The following RANBP2 variants were observed in gnomAD, a reference collection of about 807,000 sequenced individuals.
The protein encoded by RANBP2 is E3 SUMO-protein ligase RanBP2.
A neutral mutation model predicts 303.6 loss-of-function variants in RANBP2; 57 were observed. That is an observed-to-expected ratio of 0.19 (90% confidence interval 0.15 to 0.23). The LOEUF (loss-of-function observed/expected upper bound fraction) is 0.23. Among genes scored for constraint, RANBP2 ranks in the 10% least tolerant of loss-of-function variants. RANBP2 has a pLI of 1.00. For synonymous variants in RANBP2, 1,167 were observed against 1,301.5 expected (o/e 0.90, Z 2.23); for missense variants, 3,138 against 3,780.8 (o/e 0.83, Z 4.46).
chr2:109,664,584 A>G, the RANBP2 span, among the ~76,000 whole-genome samples: 1 of 152,040 alleles, frequency 6.6e-6, no homozygotes, highest in South Asian at 2.1e-4. Context: ...ACCCTGGGTG[A>G]AAGAATTTTA....
chr2:109,301,536 G>C, the RANBP2 span, among the ~76,000 whole-genome samples: 1 of 152,098 alleles, frequency 6.6e-6, no homozygotes, highest in South Asian at 2.1e-4. Flanking sequence ...AGGACACCAG[G>C]GTGCCCAGAG....
At chr2:109,357,988 A>G in the RANBP2 span, among the ~76,000 whole-genome samples, 71,781 of 151,974 alleles carry the variant, frequency 0.47, 17,257 homozygotes, top group South Asian at 0.54. Context: ...TCATGTATCT[A>G]CCATTATAGG....
At chr2:109,129,241 C>T in the RANBP2 span, 4 of 568,944 alleles carry the variant, frequency 7.0e-6, no homozygotes, top group African/African-American at 6.0e-5. Context: ...GCAGCACCCC[C>T]GGTCCCCCGC....
chr2:109,277,004 A>C, the RANBP2 span, among the ~76,000 whole-genome samples: 1 of 152,146 alleles, frequency 6.6e-6, no homozygotes, highest in African/African-American at 2.4e-5. Context: ...AAATGGACAG[A>C]ATCAACAGAC....
chr2:109,327,486 ATTTGTCAAGTAC>A, the RANBP2 span, among the ~76,000 whole-genome samples: 9 of 148,606 alleles, frequency 6.1e-5, no homozygotes, highest in Non-Finnish European at 1.2e-4. Flanking sequence ...TTTTAAATCA[ATTTGTCAAGTAC>A]TTTGTCAAGT....
At chr2:109,105,707 A>C in the RANBP2 span, among the ~76,000 whole-genome samples, 1 of 151,678 alleles carries the variant, frequency 6.6e-6, no homozygotes, top group Non-Finnish European at 1.5e-5. Flanking sequence ...GGCATGCGCC[A>C]CCACGCCCAG....
At chr2:109,326,211 G>C in the RANBP2 span, among the ~76,000 whole-genome samples, 1 of 152,156 alleles carries the variant, frequency 6.6e-6, no homozygotes, top group Non-Finnish European at 1.5e-5. Flanking sequence ...TCTGTAACTT[G>C]CTTCTTCCAC....
the RANBP2 span, among the ~76,000 whole-genome samples, chr2:109,342,859 A>G: frequency 6.6e-6 from 1 of 152,248 alleles, no homozygotes; most frequent in African/African-American, 2.4e-5. Flanking sequence ...AATTGACATT[A>G]TAAGTTTTAA....
the RANBP2 span, among the ~76,000 whole-genome samples, chr2:109,176,392 A>G: frequency 1.7e-4 from 26 of 152,312 alleles, no homozygotes; most frequent in Admixed American, 8.5e-4. Flanking sequence ...GTGCAATGGA[A>G]TGCTGTGTTT....
chr2:109,189,982 A>G, the RANBP2 span, among the ~76,000 whole-genome samples: 1 of 152,228 alleles, frequency 6.6e-6, no homozygotes, highest in Non-Finnish European at 1.5e-5. Context: ...TTTCTCTAAC[A>G]GATCTGCTCG....
chr2:108,911,130 C>T, the RANBP2 span: 41 of 1,608,090 alleles, frequency 2.5e-5, no homozygotes, highest in Non-Finnish European at 3.1e-5. Context: ...CTGGTCTTCC[C>T]TCCAGGACTC....
At chr2:109,274,497 C>T in the RANBP2 span, among the ~76,000 whole-genome samples, 5 of 152,030 alleles carry the variant, frequency 3.3e-5, no homozygotes, top group Non-Finnish European at 5.9e-5. Flanking sequence ...TTGTGTGAAC[C>T]TCAAAAACAT....
the RANBP2 span, among the ~76,000 whole-genome samples, chr2:109,198,307 C>T: frequency 6.6e-6 from 1 of 152,120 alleles, no homozygotes; most frequent in Non-Finnish European, 1.5e-5. Context: ...GAATTTATGA[C>T]CCTGAGGAAT....
chr2:109,416,926 AATT>A, the RANBP2 span, among the ~76,000 whole-genome samples: 3 of 145,908 alleles, frequency 2.1e-5, no homozygotes, highest in African/African-American at 8.1e-5. Context: ...AAAAAAAAAG[AATT>A]GTATGTCCAG....
the RANBP2 span, among the ~76,000 whole-genome samples, chr2:109,694,472 C>T: frequency 1.3e-5 from 2 of 150,382 alleles, no homozygotes; most frequent in Admixed American, 6.7e-5. Context: ...GGCACAATCT[C>T]GGCTCACTGC....
chr2:109,099,708 C>T, the RANBP2 span, among the ~76,000 whole-genome samples: 1 of 152,130 alleles, frequency 6.6e-6, no homozygotes, highest in Admixed American at 6.6e-5. Context: ...ACTGCTCTTT[C>T]CAGCCTCCTA....
chr2:109,534,293 C>T, the RANBP2 span, among the ~76,000 whole-genome samples: 16 of 152,302 alleles, frequency 1.1e-4, no homozygotes, highest in East Asian at 2.7e-3. Flanking sequence ...CCACTGCCGT[C>T]TCAAGTCCTT....
At chr2:109,504,927 G>T in the RANBP2 span, among the ~76,000 whole-genome samples, 1 of 152,198 alleles carries the variant, frequency 6.6e-6, no homozygotes, top group Non-Finnish European at 1.5e-5. Flanking sequence ...GGTGGGGAGG[G>T]TCTCCAGTTC....
chr2:108,962,892 C>T, the RANBP2 span, among the ~76,000 whole-genome samples: 1 of 152,110 alleles, frequency 6.6e-6, no homozygotes, highest in Non-Finnish European at 1.5e-5. Context: ...CAAAGATCTA[C>T]AAACAAGAGA....
Sources: gnomAD v4.1 joint callset for allele counts (sites outside exome capture counted in the v4.1 genomes callset) on GRCh38, gnomAD v4.1.1 for gene constraint, MANE v1.5 for transcripts, NCBI Gene and HGNC (gene_info 2026-07-23, HGNC 2026-07-21) for gene names.